Variants in GYS1 observed in about 807,000 individuals in gnomAD.
GYS1 encodes glycogen [starch] synthase, muscle.
In GYS1, 60 loss-of-function variants were observed where a neutral mutation model predicts 89.1. The ratio of observed to expected loss-of-function variants is 0.67; its 90% CI spans 0.55 to 0.84. The LOEUF is 0.84. GYS1 is among the 40% of genes least tolerant of loss of function. GYS1 has a pLI of 0.00. For missense variants in GYS1, 888 were observed against 1,003.1 expected, an observed-to-expected ratio of 0.89 and a Z score of 1.55; for synonymous variants, 366 against 401.7, an observed-to-expected ratio of 0.91 and a Z score of 1.06.
In GYS1 at chr19:48,981,555, C is replaced by A. The variant is rs1172290122; in HGVS notation, c.1144G>T (p.Gly382Cys). The change falls in exon 8 of 16, where the codon GGC (glycine) becomes TGC (cysteine). Residue 382 changes from glycine (G) to cysteine (C), a missense_variant. Physicochemically the swap from Gly to Cys is radical, Grantham distance 159. Transcript: ENST00000323798. ...TNNFNVETLKGQAVRKQLWDT... is the reference protein window; with the variant it reads ...TNNFNVETLKCQAVRKQLWDT... ...CAAAGCTGTTTGCGCACAGCTTGGC[C>A]TTTGAGGGTTTCCACGTTGAAATTG... 4 of 1,612,492 alleles carry A rather than the reference C, an allele frequency of 2.5e-6. No individual in the cohort carries two copies. Among genetic ancestry groups the A allele is most frequent in the Non-Finnish European group, 3.4e-6 (4 of 1,178,524 alleles).
At position 48,969,348 on chromosome 19, in the gene GYS1, T is replaced by A; in HGVS notation, c.2154A>T (p.Ser718=). ...TGAGGGGCTCGCTCGGGGTGCTGAG[T>A]GAGCTGGAGGTGGCCGTGTCCACAG... The part of the protein sequence containing the change: ...RNSVDTATSS[S]LSTPSEPLSP... Residue 718 remains serine (S), a synonymous_variant, in exon 16 of 16, where the codon TCA becomes TCT. Transcript: ENST00000323798. 6.3e-7 allele frequency: 1 copy of A among 1,586,046 alleles called. No homozygotes were observed. The highest frequency in any genetic ancestry group is 8.5e-7 in the Non-Finnish European group (1 of 1,171,744).
Position 48,985,819 on chromosome 19 carries a change from C to T in GYS1, c.678+31G>A, listed in dbSNP as rs776966846. The T allele has an allele frequency of 9.9e-6, 16 of 1,609,374 alleles. No homozygotes were observed. In the South Asian group the frequency reaches 1.8e-4, roughly 18 times the overall value. On this transcript the variant is annotated intron_variant, in intron 4 of 15. Coordinates refer to ENST00000323798, the MANE Select transcript of GYS1 (RefSeq NM_002103.5). Reference sequence around the variant, plus strand: ...GCTTTGGGTTTTCCTGGCATACTCGCAGTCCCCCATCTGCCACGGTCCCAG... The same window carrying T: ...GCTTTGGGTTTTCCTGGCATACTCGTAGTCCCCCATCTGCCACGGTCCCAG...
In GYS1 at chr19:48,989,480, T is replaced by TG. The variant is rs1441308292; in HGVS notation, c.300+1821dup. Among the ~76,000 whole-genome samples, 447 of 82,822 alleles carry TG rather than the reference T, an allele frequency of 5.4e-3. 2 individuals are homozygous for TG. The highest frequency in any genetic ancestry group is 0.022 in the African/African-American group (430 of 19,286). The allele number at this position is 82,822 out of a possible 152,430, so 54.3% of individuals were successfully genotyped here. On this transcript the variant is annotated intron_variant, in intron 2 of 15. Transcript: ENST00000323798. ...CTCAGCGACAGAGTGAGATTCTATC[T>TG]GAAAAAAAAAAAAAAAAAATTATGG...
At position 48,978,151 on chromosome 19, in the gene GYS1, C is replaced by A. The variant is rs151212573; in HGVS notation, c.1176G>T (p.Thr392=). The part of the protein sequence containing the change: ...GQAVRKQLWD[T]ANTVKEKFGR... ...CGAACTTTTCCTTCACCGTGTTGGCCGTGTCCCTGGAGGAAGCAGAGCAAC... is the reference window on the plus strand; with the variant it reads ...CGAACTTTTCCTTCACCGTGTTGGCAGTGTCCCTGGAGGAAGCAGAGCAAC... The change falls in exon 9 of 16, where the codon ACG becomes ACT. Residue 392 remains threonine, a synonymous_variant. Transcript: ENST00000323798. 1.9e-6 allele frequency: 3 copies of A among 1,613,764 alleles called. No individual in the cohort carries two copies. The South Asian group carries it at 3.3e-5, about 18-fold the overall frequency.
At position 48,969,334 on chromosome 19, in the gene GYS1, C is replaced by T. The variant is rs1468841188; in HGVS notation, c.2168G>A (p.Ser723Asn). The change falls in exon 16 of 16, where the codon AGC becomes AAC. Residue 723 changes from serine to asparagine, a missense_variant. By Grantham distance (46) the Ser-to-Asn change is conservative. Coordinates refer to ENST00000323798, the MANE Select transcript of GYS1 (RefSeq NM_002103.5). ...GGAGCTGGTGGGGCTGAGGGGCTCG[C>T]TCGGGGTGCTGAGTGAGCTGGAGGT... ...TATSSSLSTP[S>N]EPLSPTSSLG... 3.8e-6 allele frequency: 6 copies of T among 1,584,110 alleles called. No individual in the cohort carries two copies. The highest frequency in any genetic ancestry group is 5.1e-6 in the Non-Finnish European group (6 of 1,171,332).
At chr19:48,977,566 C>G (rs934215567) in intron 10 of GYS1, among the ~76,000 whole-genome samples, 8 of 152,100 alleles carry the variant, frequency 5.3e-5, no homozygotes, top group Non-Finnish European at 1.5e-5. Flanking sequence ...GCACTCCAGC[C>G]TGGGCGACAG....
intron 14 of GYS1, among the ~76,000 whole-genome samples, 178 bp from the exon 15 acceptor site, chr19:48,970,033 T>C (rs986729393): frequency 1.4e-4 from 22 of 152,128 alleles, no homozygotes; most frequent in Non-Finnish European, 2.4e-4. Flanking sequence ...GAATGGACAG[T>C]TTCTGAGCCA....
chr19:48,981,818 C>A (rs13306417), intron 7 of GYS1, among the ~76,000 whole-genome samples, 182 bp from the exon 8 acceptor site: 38 of 152,258 alleles, frequency 2.5e-4, no homozygotes, highest in Admixed American at 2.2e-3. Flanking sequence ...CACGGCCCCC[C>A]ACCATACTCA....
intron 2 of GYS1, among the ~76,000 whole-genome samples, chr19:48,990,387 G>C (rs970914321): frequency 6.6e-6 from 1 of 151,906 alleles, no homozygotes; most frequent in Non-Finnish European, 1.5e-5. Flanking sequence ...TCTCTTCCCC[G>C]ATATTCCATG....
Position 48,968,216 on chromosome 19 carries a change from C to T in GYS1, c.*1072G>A, listed in dbSNP as rs1331936352. The stretch of plus-strand genomic sequence containing the variant: ...CTGCCCTCCCCTCTCAACTGCAAAC[C>T]AAGCGGTGCAGACACAGCACAGCAC... On this transcript the variant is annotated 3_prime_UTR_variant, in exon 16 of 16. Coordinates refer to ENST00000323798, the MANE Select transcript of GYS1 (RefSeq NM_002103.5). 33 of 454,124 alleles carry T rather than the reference C, an allele frequency of 7.3e-5. No homozygotes were observed. Among genetic ancestry groups the T allele is most frequent in the Non-Finnish European group, 4.0e-5 (9 of 226,816 alleles). 28.1% of individuals were successfully genotyped at this position (454,124 alleles called of 1,614,324 possible). A position where few individuals can be genotyped will look rare whatever the true frequency, so the allele number is the denominator to read the frequency against.
At chr19:48,992,905 T>G in intron 1 of GYS1, 90 bp downstream of exon 1, 2 of 814,024 alleles carry the variant, frequency 2.5e-6, no homozygotes, top group Non-Finnish European at 4.4e-6. Flanking sequence ...AGGGTTCCCC[T>G]AGTAGCCCCG....
chr19:48,973,243 T>C (rs2038593110), intron 12 of GYS1, among the ~76,000 whole-genome samples: 2 of 152,166 alleles, frequency 1.3e-5, no homozygotes, highest in African/African-American at 4.8e-5. Context: ...CCTTCTGCCA[T>C]GACTGAGTTT....
At position 48,985,468 on chromosome 19, in the gene GYS1, C is replaced by T. The variant is rs746709194; in HGVS notation, c.816G>A (p.Arg272=). The change falls in exon 5 of 16, where the codon AGG becomes AGA. Residue 272 remains arginine, a synonymous_variant. Transcript: ENST00000323798. ...CTTCAGCCCAGCCCCTACCTGGTTT[C>T]CTCTTGAGCAAGTGCTGTGCCTCGA... ...TAIEAQHLLK[R]KPDIVTPNGL... is the part of the protein sequence containing the mutation. 3.7e-6 allele frequency: 6 copies of T among 1,613,758 alleles called. No individual in the cohort carries two copies. The East Asian group carries it at 8.9e-5, about 24-fold the overall frequency.
At chr19:48,985,114 C>A (rs1026791741) in intron 5 of GYS1, among the ~76,000 whole-genome samples, 1 of 152,204 alleles carries the variant, frequency 6.6e-6, no homozygotes, top group East Asian at 1.9e-4. Flanking sequence ...TGCAATGGCA[C>A]GATCACAGCT....
chr19:48,968,796 A>C lies in GYS1; in HGVS notation c.*492T>G, dbSNP rs759455904. ...GGACCATCTGCTCTCAGTTACCTTC[A>C]AACTCTGAAAGTGCCCCGGCTCTGG... On this transcript the variant is annotated 3_prime_UTR_variant, in exon 16 of 16. Coordinates refer to ENST00000323798, the MANE Select transcript of GYS1 (RefSeq NM_002103.5). 2 of 455,004 alleles carry C rather than the reference A, an allele frequency of 4.4e-6. No individual in the cohort carries two copies. The highest frequency in any genetic ancestry group is 3.1e-5 in the South Asian group (2 of 64,486). 28.2% of individuals were successfully genotyped at this position (455,004 alleles called of 1,614,324 possible).
intron 8 of GYS1, among the ~76,000 whole-genome samples, chr19:48,979,331 C>CTTTTT (rs1568620568): frequency 2.2e-5 from 1 of 46,352 alleles, no homozygotes; most frequent in Non-Finnish European, 4.6e-5. Flanking sequence ...TTTCTTTTTT[C>CTTTTT]TTTTCTTTTT....
chr19:48,978,028 G>GT, intron 9 of GYS1, 26 bp from the exon 10 acceptor site: 1 of 1,610,230 alleles, frequency 6.2e-7, no homozygotes, highest in Non-Finnish European at 8.5e-7. Flanking sequence ...GGGCATGCAT[G>GT]TGAGAACGGA....
At chr19:48,986,148 A>G (rs2038840818) in intron 3 of GYS1, 113 bp from the exon 4 acceptor site, 5 of 923,832 alleles carry the variant, frequency 5.4e-6, no homozygotes, top group African/African-American at 4.9e-5. Context: ...ACTACTGCAC[A>G]GAGTGGGCAG....
rs757274657 is a variant in GYS1, at chr19:48,969,795, C to T, written c.1870G>A (p.Glu624Lys). The change falls in exon 15 of 16, where the codon GAG becomes AAG. Residue 624 changes from glutamate to lysine, a missense_variant. Coordinates refer to ENST00000323798, the MANE Select transcript of GYS1 (RefSeq NM_002103.5). Reference protein sequence around the residue: ...SKAFPEHFTYEPNEADAAQGY... With the variant: ...SKAFPEHFTYKPNEADAAQGY... The stretch of plus-strand genomic sequence containing the variant: ...CTCACCGCATCCGCCTCGTTGGGCT[C>T]GTAGGTGAAGTGCTCTGGAAAGGCC... 4.3e-6 allele frequency: 7 copies of T among 1,613,824 alleles called. No homozygotes were observed. The highest frequency in any genetic ancestry group is 1.7e-5 in the Admixed American group (1 of 60,006).
Sources: gnomAD v4.1 joint callset for allele counts (sites outside exome capture counted in the v4.1 genomes callset) on GRCh38, gnomAD v4.1.1 for gene constraint, MANE v1.5 for transcripts, NCBI Gene and HGNC (gene_info 2026-07-23, HGNC 2026-07-21) for gene names.